ITFG2: variants seen among roughly 807,000 people sequenced by gnomAD.
ITFG2 encodes the protein KICSTOR complex protein ITFG2.
ITFG2 carries 36 observed loss-of-function variants against 54.4 expected under a neutral mutation model. The ratio of observed to expected loss-of-function variants is 0.66; its 90% CI spans 0.51 to 0.87. The LOEUF (loss-of-function observed/expected upper bound fraction) is 0.87. Ranked by LOEUF, ITFG2 falls within the 40% of genes least tolerant of loss-of-function variation. The pLI is 0.00. For missense variants in ITFG2, 524 were observed against 576.7 expected, an observed-to-expected ratio of 0.91 and a Z score of 0.94; for synonymous variants, 211 against 225.4, an observed-to-expected ratio of 0.94 and a Z score of 0.57.
intron 2 of ITFG2, among the ~76,000 whole-genome samples, chr12:2,851,906 T>G (rs1049020661): frequency 6.6e-6 from 1 of 152,078 alleles, no homozygotes; most frequent in Non-Finnish European, 1.5e-5. Flanking sequence ...CTTGAACTCC[T>G]TACCTCAAGT....
intron 2 of ITFG2, among the ~76,000 whole-genome samples, chr12:2,848,555 G>C (rs1364435873): frequency 6.6e-6 from 1 of 152,086 alleles, no homozygotes; most frequent in Non-Finnish European, 1.5e-5. Flanking sequence ...GTTCTACTTT[G>C]TTCTACTCTT....
chr12:2,846,045 C>T (rs564806576), intron 2 of ITFG2, among the ~76,000 whole-genome samples: 4 of 152,274 alleles, frequency 2.6e-5, no homozygotes, highest in South Asian at 2.1e-4. Flanking sequence ...CGGAAGGTCG[C>T]GTGCTTGCTA....
intron 1 of ITFG2, among the ~76,000 whole-genome samples, chr12:2,815,849 G>T (rs1280854618): frequency 2.6e-5 from 4 of 152,072 alleles, no homozygotes; most frequent in African/African-American, 9.7e-5. Context: ...CTATGGTTGT[G>T]TTGGCCTCAA....
chr12:2,851,451 T>G (rs540314211), intron 2 of ITFG2, among the ~76,000 whole-genome samples: 76 of 152,208 alleles, frequency 5.0e-4, no homozygotes, highest in African/African-American at 1.7e-3. Context: ...CAAGCGATTC[T>G]CCTGCCTCAG....
downstream of ITFG2, among the ~76,000 whole-genome samples, chr12:2,831,696 T>G (rs1362484084): frequency 6.6e-6 from 1 of 152,192 alleles, no homozygotes. Context: ...TCCCAAATTC[T>G]ATAAGTTTTG....
intron 5 of ITFG2, 135 bp downstream of exon 5, chr12:2,820,360 A>C: frequency 8.9e-7 from 1 of 1,125,818 alleles, no homozygotes; most frequent in Non-Finnish European, 1.2e-6. Context: ...AGAGAGATCC[A>C]AAGACCATTT....
At chr12:2,837,095 G>C (rs910713517) in intron 1 of ITFG2, 1 of 152,320 alleles carries the variant, frequency 6.6e-6, no homozygotes, top group Non-Finnish European at 1.5e-5. Context: ...ACTTTGGGAG[G>C]CTGAGGCGGG....
chr12:2,824,058 C>G, intron 11 of ITFG2, 32 bp from the exon 12 acceptor site: 1 of 1,614,086 alleles, frequency 6.2e-7, no homozygotes, highest in Non-Finnish European at 8.5e-7. Context: ...AGGAGACCCA[C>G]AGCCTCTTAC....
rs2097943657 is a variant in ITFG2, at chr12:2,821,349, C to T, written c.783C>T (p.Asn261=). 1.2e-6 allele frequency: 2 copies of T among 1,607,368 alleles called. No individual in the cohort carries two copies. Among genetic ancestry groups the T allele is most frequent in the East Asian group, 4.5e-5 (2 of 44,740 alleles). Residue 261 remains asparagine, a synonymous_variant, in exon 7 of 12, where the codon AAC becomes AAT. Transcript: ENST00000228799. The stretch of plus-strand genomic sequence containing the variant: ...ATGTCTCCACTCACCTAATTGGCAA[C>T]ATCAAACAAGGTGAAAGTGTGGTGG... ...NKNVSTHLIG[N]IKQGHGTESS...
chr12:2,818,460 C>A, intron 4 of ITFG2, 183 bp downstream of exon 4: 2 of 1,263,970 alleles, frequency 1.6e-6, no homozygotes, highest in South Asian at 1.4e-5. Flanking sequence ...AATAAATAGA[C>A]AAAAATTGCT....
intron 2 of ITFG2, chr12:2,856,961 G>T (rs2098089319): frequency 4.3e-6 from 3 of 703,052 alleles, no homozygotes; most frequent in African/African-American, 1.7e-5. Flanking sequence ...CTACCTGCAG[G>T]AAAGGTTCTT....
chr12:2,857,619 CTT>C (rs1192190649), intron 2 of ITFG2: 1 of 154,434 alleles, frequency 6.5e-6, no homozygotes, highest in African/African-American at 2.4e-5. Context: ...TCAACACCCT[CTT>C]TCTTTTCCAG....
rs779988252 is a variant in ITFG2, at chr12:2,812,856, G to T, written c.96G>T (p.Thr32=). The change falls in exon 1 of 12, where the codon ACG becomes ACT. Residue 32 remains threonine (T), a splice_region_variant and synonymous_variant. Transcript: ENST00000228799. Reference sequence around the variant, plus strand: ...GCCTCGGAGACGTTGATAACGATACGGTAGGTGCATGCGCACCGCAAGAGA... The same window carrying T: ...GCCTCGGAGACGTTGATAACGATACTGTAGGTGCATGCGCACCGCAAGAGA... ...AICLGDVDND[T]LNELVVGDTS... is the part of the protein sequence containing the mutation. 28 of 1,608,420 alleles carry T rather than the reference G, an allele frequency of 1.7e-5. No homozygotes were observed. Among genetic ancestry groups the T allele is most frequent in the Non-Finnish European group, 2.4e-5 (28 of 1,176,352 alleles).
At chr12:2,837,834 G>GA (rs1168942094) in intron 1 of ITFG2, among the ~76,000 whole-genome samples, 1 of 152,124 alleles carries the variant, frequency 6.6e-6, no homozygotes, top group Non-Finnish European at 1.5e-5. Flanking sequence ...GTCTCTAAAA[G>GA]AAAAAAATTC....
At chr12:2,819,626 C>CAAAAA (rs200377386) in intron 4 of ITFG2, 2 of 136,626 alleles carry the variant, frequency 1.5e-5, no homozygotes, top group African/African-American at 5.4e-5. Context: ...GACTCTGTCT[C>CAAAAA]AAAAAAAAAA....
chr12:2,839,855 A>G (rs1429396145), intron 1 of ITFG2, among the ~76,000 whole-genome samples: 1 of 152,234 alleles, frequency 6.6e-6, no homozygotes, highest in Non-Finnish European at 1.5e-5. Context: ...ACACAGAAAC[A>G]GGAAACCAAA....
At chr12:2,855,271 T>C (rs1326763668) in intron 2 of ITFG2, 3 of 1,514,862 alleles carry the variant, frequency 2.0e-6, no homozygotes, top group Non-Finnish European at 2.7e-6. Flanking sequence ...CTTCCAAGGG[T>C]GGATGAGCCG....
At chr12:2,858,875 G>C in intron 3 of ITFG2, 2 of 1,614,134 alleles carry the variant, frequency 1.2e-6, no homozygotes, top group Non-Finnish European at 1.7e-6. Context: ...AGGGGACGGA[G>C]ATGAGGTCTA....
At chr12:2,813,107 G>A (rs1186715635) in intron 1 of ITFG2, among the ~76,000 whole-genome samples, 1 of 152,202 alleles carries the variant, frequency 6.6e-6, no homozygotes, top group East Asian at 1.9e-4. Context: ...CTTGATTTCG[G>A]CTCACCGCAA....
Sources: allele counts gnomAD v4.1 joint callset (sites outside exome capture counted in the v4.1 genomes callset), GRCh38; gene constraint gnomAD v4.1.1; transcripts MANE v1.5; gene names NCBI Gene and HGNC (gene_info 2026-07-23, HGNC 2026-07-21).